The following SYNE1 variants were observed in gnomAD, a reference collection of about 807,000 sequenced individuals.
SYNE1 encodes spectrin repeat containing nuclear envelope protein 1, also known as nesprin-1.
In SYNE1, 616 loss-of-function variants were observed where a neutral mutation model predicts 1,111.0. The ratio of observed to expected loss-of-function variants is 0.55; its 90% confidence interval spans 0.52 to 0.59. The LOEUF is 0.59. Ranked by LOEUF, SYNE1 falls within the 20% of genes least tolerant of loss-of-function variation. SYNE1 has a pLI of 0.00. For missense variants in SYNE1, 10,006 were observed against 10,417.0 expected, an observed-to-expected ratio of 0.96 and a Z score of 1.72; for synonymous variants, 3,855 against 3,825.8, an observed-to-expected ratio of 1.01 and a Z score of -0.28.
intron 3 of SYNE1, among the ~76,000 whole-genome samples, chr6:152,604,944 C>CAAAGAAAG (rs1185668483): frequency 7.6e-4 from 50 of 65,930 alleles, no homozygotes; most frequent in East Asian, 1.2e-3. Context: ...CCCTATCTCA[C>CAAAGAAAG]AAAGAAAGAA....
chr6:152,310,403 T>A lies in SYNE1; in HGVS notation c.17012A>T (p.His5671Leu). Residue 5671 changes from histidine to leucine, a missense_variant, in exon 89 of 146, where the codon CAT becomes CTT. By Grantham distance (99) the His-to-Leu change is moderately conservative (BLOSUM62 -3). This residue lies in a region of SYNE1 where 4,955 missense variants were observed against 5,017.2 expected (regional missense o/e 0.99). Transcript: ENST00000367255. ...GRLSLKEQLSHRQHLLSEMES... is the reference protein window; with the variant it reads ...GRLSLKEQLSLRQHLLSEMES... Reference sequence around the variant, plus strand: ...CAAGTTAGTTTGGCTTACCTGCCGATGAGAGAGCTGCTCCTTGAGACTGAG... The same window carrying A: ...CAAGTTAGTTTGGCTTACCTGCCGAAGAGAGAGCTGCTCCTTGAGACTGAG... 1 of 1,614,192 alleles carries A rather than the reference T, an allele frequency of 6.2e-7. No individual in the cohort carries two copies. The highest frequency in any genetic ancestry group is 1.3e-5 in the African/African-American group (1 of 75,070).
intron 3 of SYNE1, among the ~76,000 whole-genome samples, chr6:152,566,593 C>T (rs2099414290): frequency 1.3e-5 from 2 of 152,068 alleles, no homozygotes; most frequent in African/African-American, 4.8e-5. Context: ...ATCTTAAATT[C>T]ACGGTGCTGT....
intron 73 of SYNE1, among the ~76,000 whole-genome samples, chr6:152,345,733 C>T (rs1237661344): frequency 6.6e-6 from 1 of 152,072 alleles, no homozygotes; most frequent in Non-Finnish European, 1.5e-5. Context: ...AGTTTAAAGG[C>T]TTATAAAAAC....
intron 124 of SYNE1, among the ~76,000 whole-genome samples, chr6:152,210,581 TA>T (rs1208255251): frequency 6.6e-6 from 1 of 152,130 alleles, no homozygotes; most frequent in Non-Finnish European, 1.5e-5. Flanking sequence ...TCTACAACAT[TA>T]AAGACAAAAC....
chr6:152,219,135 A>G lies in SYNE1; in HGVS notation c.21912T>C (p.His7304=), dbSNP rs1388125556. ...GTTGCTTCAGTTGCTCTCCCAGCTC[A>G]TGGAGAAAAAAGAGGGAATCTTTAA... ...GTVKDSLFFL[H]ELGEQLKQQV... The change falls in exon 120 of 146, where the codon CAT becomes CAC. Residue 7304 remains histidine, a synonymous_variant. Transcript: ENST00000367255. 6.2e-7 allele frequency: 1 copy of G among 1,614,118 alleles called. No individual in the cohort carries two copies. The highest frequency in any genetic ancestry group is 1.3e-5 in the African/African-American group (1 of 75,044).
At chr6:152,287,739 G>C (rs2094408542) in intron 95 of SYNE1, among the ~76,000 whole-genome samples, 1 of 152,048 alleles carries the variant, frequency 6.6e-6, no homozygotes, top group Non-Finnish European at 1.5e-5. Flanking sequence ...TAGAGATGTG[G>C]TTTCACCATG....
At chr6:152,286,708 T>C (rs2094348884) in intron 95 of SYNE1, among the ~76,000 whole-genome samples, 1 of 152,202 alleles carries the variant, frequency 6.6e-6, no homozygotes, top group African/African-American at 2.4e-5. Context: ...AGTGCCTGTG[T>C]TTCTTTTGGT....
chr6:152,404,178 G>A (rs1287754514), intron 46 of SYNE1, 35 bp downstream of exon 46: 1 of 1,470,266 alleles, frequency 6.8e-7, no homozygotes, highest in Non-Finnish European at 9.5e-7. Context: ...ATTACAAAAT[G>A]GATGGAAGTC....
chr6:152,615,211 C>T (rs1477402924), intron 3 of SYNE1, among the ~76,000 whole-genome samples: 2 of 152,098 alleles, frequency 1.3e-5, no homozygotes, highest in Admixed American at 1.3e-4. Context: ...ACCTAGGAAG[C>T]TATTTTAAAA....
At chr6:152,565,626 C>T (rs1156733569) in intron 3 of SYNE1, among the ~76,000 whole-genome samples, 3 of 151,320 alleles carry the variant, frequency 2.0e-5, no homozygotes, top group East Asian at 1.9e-4. Context: ...CTTTACTTCG[C>T]TTTAAAATCT....
intron 12 of SYNE1, 98 bp from the exon 13 acceptor site, chr6:152,485,070 A>G: frequency 7.8e-7 from 1 of 1,288,606 alleles, no homozygotes; most frequent in Non-Finnish European, 1.1e-6. Flanking sequence ...CTATTTGGAT[A>G]ACACTCAATA....
chr6:152,486,300 C>A (rs2098940136), intron 12 of SYNE1, among the ~76,000 whole-genome samples: 1 of 151,782 alleles, frequency 6.6e-6, no homozygotes, highest in African/African-American at 2.4e-5. Context: ...AGTGAAAAAA[C>A]TGGAAAATGC....
intron 27 of SYNE1, among the ~76,000 whole-genome samples, chr6:152,450,065 CAT>C (rs765267755): frequency 1.1e-4 from 17 of 152,336 alleles, no homozygotes; most frequent in African/African-American, 2.2e-4. Flanking sequence ...ATAATCCCCA[CAT>C]GTCATGAGAG....
chr6:152,269,320 A>C, intron 98 of SYNE1, 34 bp from the exon 99 acceptor site: 2 of 1,613,594 alleles, frequency 1.2e-6, no homozygotes, highest in Non-Finnish European at 1.7e-6. Flanking sequence ...AAGTCATGCT[A>C]CACACCGGAA....
intron 3 of SYNE1, among the ~76,000 whole-genome samples, chr6:152,576,883 G>T (rs763503698): frequency 3.3e-4 from 51 of 152,304 alleles, no homozygotes; most frequent in Non-Finnish European, 6.5e-4. Flanking sequence ...TTGACTTCAT[G>T]ATTGAGCACT....
intron 46 of SYNE1, among the ~76,000 whole-genome samples, chr6:152,401,877 G>C (rs2097824757): frequency 6.6e-6 from 1 of 152,098 alleles, no homozygotes; most frequent in Non-Finnish European, 1.5e-5. Flanking sequence ...GTTAGTCAAA[G>C]GACATATAGT....
intron 25 of SYNE1, among the ~76,000 whole-genome samples, chr6:152,451,922 T>C (rs1349300348): frequency 6.6e-6 from 1 of 152,042 alleles, no homozygotes. Context: ...TCAATGACCT[T>C]GTGAGGTAGG....
At chr6:152,471,177 T>C (rs1042898395) in intron 16 of SYNE1, among the ~76,000 whole-genome samples, 6 of 152,194 alleles carry the variant, frequency 3.9e-5, no homozygotes, top group Non-Finnish European at 7.4e-5. Context: ...AAATAGATAG[T>C]TCCCATTTGG....
At chr6:152,622,254 T>A (rs1357324498) in intron 3 of SYNE1, among the ~76,000 whole-genome samples, 1 of 152,188 alleles carries the variant, frequency 6.6e-6, no homozygotes. Context: ...GTTAGAGTAA[T>A]AAAGTATAAA....
Sources: gnomAD v4.1 joint callset for allele counts (sites outside exome capture counted in the v4.1 genomes callset) on GRCh38, gnomAD v4.1.1 for gene constraint, gnomAD v4.1.1 regional missense constraint, MANE v1.5 for transcripts, NCBI Gene and HGNC (gene_info 2026-07-23, HGNC 2026-07-21) for gene names.